Variants in PATJ observed in about 807,000 individuals in gnomAD.
PATJ encodes the protein inaD-like protein.
A neutral mutation model predicts 224.9 loss-of-function variants in PATJ; 190 were observed. The observed-to-expected ratio is 0.84, with a 90% CI of 0.75 to 0.95. The LOEUF (loss-of-function observed/expected upper bound fraction) is 0.95, where lower values mean the gene tolerates loss of function less well. Ranked by LOEUF, PATJ falls within the 40% of genes least tolerant of loss-of-function variation. The pLI is 0.00. For synonymous variants in PATJ, 769 were observed against 820.3 expected (o/e 0.94, Z 1.07); for missense variants, 2,121 against 2,270.3 (o/e 0.93, Z 1.34).
At chr1:61,747,689 A>G (rs1192323179) in intron 1 of PATJ, among the ~76,000 whole-genome samples, 2 of 152,182 alleles carry the variant, frequency 1.3e-5, no homozygotes, top group African/African-American at 4.8e-5. Context: ...ATATGAGCTG[A>G]ACTGATGAAG....
rs192157593 is a variant in PATJ at position 61,976,600 on chromosome 1, G to A, written c.3671-13568G>A. 6.4e-4 allele frequency among the ~76,000 whole-genome samples: 97 copies of A among 151,988 alleles called. 1 individual carries two copies. Among genetic ancestry groups the A allele is most frequent in the Non-Finnish European group, 1.2e-3 (82 of 68,016 alleles). ...TTTTTATATTTTTAGTAGACATGGG[G>A]TGTCTCCATCTTGGCCAGGCTGGTC... On this transcript the variant is annotated intron_variant, in intron 27 of 43. Coordinates refer to ENST00000642238, the MANE Select transcript of PATJ (RefSeq NM_001350145.3).
At position 61,860,882 on chromosome 1, in the gene PATJ, A is replaced by G. The variant is rs997139415; in HGVS notation, c.2323-669A>G. On this transcript the variant is annotated intron_variant, in intron 18 of 43. Transcript: ENST00000642238. ...ATTGCATGGCATGATAATTGTGAAC[A>G]TAGGCTCTAGTACCAGACAGCCAGG... Among the ~76,000 whole-genome samples, 7 of 152,030 alleles carry G rather than the reference A, an allele frequency of 4.6e-5. No homozygotes were observed. In the South Asian group the frequency reaches 1.5e-3, roughly 32 times the overall value.
intron 33 of PATJ, among the ~76,000 whole-genome samples, chr1:62,104,536 A>G (rs1038296539): frequency 2.0e-5 from 3 of 152,206 alleles, no homozygotes; most frequent in African/African-American, 7.2e-5. Flanking sequence ...ACAATAAGAA[A>G]TGTGGCCTTT....
chr1:61,795,416 A>G (rs755811282), intron 9 of PATJ, 51 bp from the exon 10 acceptor site: 1 of 1,045,478 alleles, frequency 9.6e-7, no homozygotes, highest in South Asian at 1.6e-5. Context: ...TTTTGCAATC[A>G]AGGCCTAATT....
At position 61,856,052 on chromosome 1, in the gene PATJ, C is replaced by T; in HGVS notation, c.2135C>T (p.Ser712Leu). The T allele has an allele frequency of 1.2e-6, 2 of 1,614,016 alleles. No homozygotes were observed. The highest frequency in any genetic ancestry group is 1.7e-6 in the Non-Finnish European group (2 of 1,179,906). The change falls in exon 18 of 44, where the codon TCA becomes TTA. Residue 712 changes from serine to leucine, a missense_variant. Coordinates refer to ENST00000642238, the MANE Select transcript of PATJ (RefSeq NM_001350145.3). ...CAGGACCCTTTAGATCCTACAAGAT[C>T]AGTGATTGTGATCCGCTCCCTGGTA... is the stretch of plus-strand genomic sequence containing the variant. ...DYQDPLDPTR[S>L]VIVIRSLVAD...
intron 35 of PATJ, among the ~76,000 whole-genome samples, 157 bp from the exon 36 acceptor site, chr1:62,116,375 G>A (rs1453719604): frequency 6.6e-6 from 1 of 152,172 alleles, no homozygotes; most frequent in Non-Finnish European, 1.5e-5. Flanking sequence ...TCCAAGTGCT[G>A]ATAAAGGCAA....
intron 30 of PATJ, among the ~76,000 whole-genome samples, chr1:62,038,252 C>CTATGG (rs1205614435): frequency 6.6e-6 from 1 of 152,084 alleles, no homozygotes; most frequent in Non-Finnish European, 1.5e-5. Context: ...TAAGTATTAC[C>CTATGG]TTCCTCAAAG....
chr1:62,116,119 T>C (rs939596382), intron 35 of PATJ, among the ~76,000 whole-genome samples: 1 of 152,210 alleles, frequency 6.6e-6, no homozygotes, highest in Non-Finnish European at 1.5e-5. Flanking sequence ...TAAGGAACAT[T>C]TACATTCCTT....
At chr1:62,005,339 C>T (rs756601290) in intron 28 of PATJ, among the ~76,000 whole-genome samples, 31 of 151,608 alleles carry the variant, frequency 2.0e-4, no homozygotes, top group South Asian at 6.3e-4. Context: ...GGATTACAGG[C>T]GCCCAGCCTA....
intron 7 of PATJ, among the ~76,000 whole-genome samples, chr1:61,777,025 A>C (rs1462849487): frequency 6.6e-6 from 1 of 151,712 alleles, no homozygotes; most frequent in Non-Finnish European, 1.5e-5. Context: ...GCACCCAGCC[A>C]AATCTGCTAC....
At position 61,769,302 on chromosome 1, in the gene PATJ, T is replaced by C; in HGVS notation, c.404T>C (p.Ile135Thr). 6.2e-7 allele frequency: 1 copy of C among 1,610,642 alleles called. No homozygotes were observed. The highest frequency in any genetic ancestry group is 8.5e-7 in the Non-Finnish European group (1 of 1,179,192). The part of the protein sequence containing the change: ...QMAQGRQIEY[I>T]DIERPSTGGL... ...CATTAGGGCCGGCAAATTGAATATA[T>C]AGATATAGAACGGCCTTCAACTGGA... Residue 135 changes from isoleucine (I) to threonine (T), a missense_variant, in exon 5 of 44, where the codon ATA becomes ACA. Transcript: ENST00000642238.
intron 26 of PATJ, among the ~76,000 whole-genome samples, chr1:61,926,014 A>G (rs984945257): frequency 6.6e-6 from 1 of 152,268 alleles, no homozygotes; most frequent in African/African-American, 2.4e-5. Flanking sequence ...TGCATCTCTG[A>G]CATTTTTCTA....
intron 39 of PATJ, 78 bp from the exon 40 acceptor site, chr1:62,127,893 CA>C: frequency 6.7e-7 from 1 of 1,482,434 alleles, no homozygotes; most frequent in Non-Finnish European, 9.3e-7. Flanking sequence ...GATTTTGTTC[CA>C]ACAGCTATCT....
At chr1:62,047,993 G>A (rs532025829) in intron 30 of PATJ, among the ~76,000 whole-genome samples, 2 of 152,304 alleles carry the variant, frequency 1.3e-5, no homozygotes, top group African/African-American at 2.4e-5. Flanking sequence ...AAGGAAGAAC[G>A]AGAGAGAAAT....
intron 26 of PATJ, among the ~76,000 whole-genome samples, chr1:61,916,165 T>A (rs1394309817): frequency 4.6e-5 from 7 of 152,118 alleles, no homozygotes; most frequent in African/African-American, 1.7e-4. Flanking sequence ...TTTTAAAACA[T>A]ACAATAATCT....
intron 4 of PATJ, among the ~76,000 whole-genome samples, chr1:61,767,122 G>A (rs1646328484): frequency 6.6e-6 from 1 of 152,042 alleles, no homozygotes; most frequent in South Asian, 2.1e-4. Flanking sequence ...GGAAAATCTA[G>A]AAAACATTTG....
intron 7 of PATJ, among the ~76,000 whole-genome samples, chr1:61,785,430 C>T (rs535666028): frequency 1.2e-4 from 18 of 152,136 alleles, no homozygotes; most frequent in Non-Finnish European, 2.5e-4. Flanking sequence ...GAATAGTCTT[C>T]GGTGAGCAAC....
chr1:61,895,933 G>A (rs879396881), intron 22 of PATJ, among the ~76,000 whole-genome samples: 3 of 152,218 alleles, frequency 2.0e-5, no homozygotes, highest in Admixed American at 6.5e-5. Context: ...GGCCTTGGGA[G>A]TCCACCCCTT....
chr1:61,814,543 T>C (rs1188884519), intron 14 of PATJ, among the ~76,000 whole-genome samples: 5 of 138,786 alleles, frequency 3.6e-5, no homozygotes, highest in African/African-American at 8.6e-5. Flanking sequence ...TGTGTGTGTG[T>C]GTGTGCGCGC....
Sources: allele counts gnomAD v4.1 joint callset (sites outside exome capture counted in the v4.1 genomes callset), GRCh38; gene constraint gnomAD v4.1.1; transcripts MANE v1.5; gene names NCBI Gene and HGNC (gene_info 2026-07-23, HGNC 2026-07-21).